The following DPP9 variants were observed in gnomAD, a reference collection of about 807,000 sequenced individuals.
The protein encoded by DPP9 is dipeptidyl peptidase 9, also known as dipeptidyl peptidase IV-related protein-2.
A neutral mutation model predicts 110.7 loss-of-function variants in DPP9; 50 were observed. The observed-to-expected ratio is 0.45, with a 90% confidence interval of 0.36 to 0.57. The LOEUF (loss-of-function observed/expected upper bound fraction) is 0.57. Ranked by LOEUF, DPP9 falls within the 20% of genes least tolerant of loss-of-function variation. DPP9 has a pLI of 0.00. For synonymous variants in DPP9, 561 were observed against 514.4 expected (o/e 1.09, Z -1.23); for missense variants, 1,022 against 1,217.9 (o/e 0.84, Z 2.39).
chr19:4,702,225 C>T (rs2092304790), intron 8 of DPP9, 70 bp from the exon 9 acceptor site: 8 of 1,529,476 alleles, frequency 5.2e-6, no homozygotes, highest in African/African-American at 1.4e-5. Flanking sequence ...CACCCCCCGC[C>T]CCCTGCAGCA....
Position 4,704,573 on chromosome 19 carries a change from C to T in DPP9, c.427-269G>A, listed in dbSNP as rs2145764102. ...CTGGGGCCAGAAGCCTCCTCACTTC[C>T]TGAGTTCCCTCCCCACAGACCCTCT... On this transcript the variant is annotated intron_variant, in intron 5 of 21. Coordinates refer to ENST00000262960, the MANE Select transcript of DPP9 (RefSeq NM_139159.5). The surrounding 1 kb of genome is among the most constrained non-coding windows in gnomAD (Gnocchi z 6.0). Among the ~76,000 whole-genome samples the T allele has an allele frequency of 6.6e-6, 1 of 152,278 alleles. No homozygotes were observed. Among genetic ancestry groups the T allele is most frequent in the East Asian group, 1.9e-4 (1 of 5,174 alleles).
intron 4 of DPP9, among the ~76,000 whole-genome samples, 187 bp downstream of exon 4, chr19:4,713,894 C>G (rs556705044): frequency 2.6e-5 from 4 of 152,304 alleles, no homozygotes; most frequent in African/African-American, 9.6e-5. Flanking sequence ...GCCGCCCCAC[C>G]CACCCCGCGG....
intron 3 of DPP9, among the ~76,000 whole-genome samples, chr19:4,715,234 G>T (rs67498438): frequency 0.41 from 61,923 of 151,430 alleles, 13,140 homozygotes; most frequent in Middle Eastern, 0.62. Flanking sequence ...TGTTGGTCAG[G>T]CTGCTCTCGA....
At chr19:4,688,397 C>G (rs772941306) in intron 16 of DPP9, 1 of 234,592 alleles carries the variant, frequency 4.3e-6, no homozygotes, top group East Asian at 8.1e-5. Context: ...GCAGAAGCCA[C>G]TGTGCCCGCT....
chr19:4,677,921 C>T (rs79954673), intron 21 of DPP9, among the ~76,000 whole-genome samples: 4,766 of 152,178 alleles, frequency 0.031, 248 homozygotes, highest in African/African-American at 0.11. Context: ...GGCCTGGGGC[C>T]GCCAGCTGCC....
At position 4,676,818 on chromosome 19, in the gene DPP9, C is replaced by T. The variant is rs901713030; in HGVS notation, c.2587-162G>A. On this transcript the variant is annotated intron_variant, in intron 21 of 21. Coordinates refer to ENST00000262960, the MANE Select transcript of DPP9 (RefSeq NM_139159.5). The surrounding 1 kb of genome is among the most constrained non-coding windows in gnomAD (Gnocchi z 4.0). ...CCTCGGCTGTTGACTTGCAGTGTAA[C>T]TCTGGGCCTCTCTAAAAAATGGGGT... Among the ~76,000 whole-genome samples, 1 of 152,192 alleles carries T rather than the reference C, an allele frequency of 6.6e-6. No homozygotes were observed. Among genetic ancestry groups the T allele is most frequent in the Admixed American group, 6.5e-5 (1 of 15,282 alleles).
chr19:4,712,867 C>A (rs776834187), intron 4 of DPP9, among the ~76,000 whole-genome samples: 2 of 152,212 alleles, frequency 1.3e-5, no homozygotes, highest in African/African-American at 2.4e-5. Context: ...CTGTTGTTAG[C>A]ATGTGGTCAG....
chr19:4,685,686 G>A lies in DPP9; in HGVS notation c.1971C>T (p.Pro657=), dbSNP rs765944882. Residue 657 remains proline, a synonymous_variant, in exon 17 of 22, where the codon CCC becomes CCT. Coordinates refer to ENST00000262960, the MANE Select transcript of DPP9 (RefSeq NM_139159.5). This position sits in a 1 kb window ranked among gnomAD's most constrained non-coding sequence, Gnocchi z 5.8. ...DVRLYGMIYK[P]HALQPGKKHP... ...GCTTCTTCCCTGGCTGCAAGGCGTG[G>A]GGCTTGTAGATCATGCCGTAGAGCC... is the stretch of plus-strand genomic sequence containing the variant. 1.4e-5 allele frequency: 23 copies of A among 1,613,266 alleles called. No individual in the cohort carries two copies. Among genetic ancestry groups the A allele is most frequent in the East Asian group, 2.2e-5 (1 of 44,880 alleles).
chr19:4,684,654 A>T lies in DPP9; in HGVS notation c.2178+9T>A. ...CAAAGGACCCAGAGCAACAGGGAGGAGTTGTTACCATTTGGTTTTTCAGGG... is the reference window on the plus strand; with the variant it reads ...CAAAGGACCCAGAGCAACAGGGAGGTGTTGTTACCATTTGGTTTTTCAGGG... On this transcript the variant is annotated intron_variant, in intron 18 of 21. Coordinates refer to ENST00000262960, the MANE Select transcript of DPP9 (RefSeq NM_139159.5). This position sits in a 1 kb window ranked among gnomAD's most constrained non-coding sequence, Gnocchi z 4.8. The T allele has an allele frequency of 6.2e-7, 1 of 1,612,652 alleles. No individual in the cohort carries two copies. Among genetic ancestry groups the T allele is most frequent in the Non-Finnish European group, 8.5e-7 (1 of 1,179,538 alleles).
At chr19:4,705,220 T>C (rs184350780) in intron 5 of DPP9, among the ~76,000 whole-genome samples, 1 of 152,210 alleles carries the variant, frequency 6.6e-6, no homozygotes, top group Non-Finnish European at 1.5e-5. Flanking sequence ...ATGTTATTTT[T>C]ATTGCTATAT....
chr19:4,719,178 A>G (rs1410529402), intron 3 of DPP9: 2 of 151,968 alleles, frequency 1.3e-5, no homozygotes, highest in African/African-American at 4.8e-5. Context: ...AAATACAAAA[A>G]TTAGCCAGGT....
chr19:4,676,389 A>G lies in DPP9; in HGVS notation c.*175T>C. The G allele has an allele frequency of 1.6e-6, 1 of 606,832 alleles. No homozygotes were observed. Among genetic ancestry groups the G allele is most frequent in the South Asian group, 1.9e-5 (1 of 51,836 alleles). 37.6% of individuals were successfully genotyped at this position (606,832 alleles called of 1,614,324 possible). On this transcript the variant is annotated 3_prime_UTR_variant, in exon 22 of 22. Transcript: ENST00000262960. The surrounding 1 kb of genome is among the most constrained non-coding windows in gnomAD (Gnocchi z 4.0). ...GCGGACATAAAACCCAAGAGCGTTT[A>G]AAAAAGGATAAAAGGCGTCGGGGCG...
Position 4,702,035 on chromosome 19 carries a change from G to C in DPP9, c.1004C>G (p.Pro335Arg). 6.2e-7 allele frequency: 1 copy of C among 1,613,648 alleles called. No homozygotes were observed. Among genetic ancestry groups the C allele is most frequent in the Non-Finnish European group, 8.5e-7 (1 of 1,179,672 alleles). The change falls in exon 9 of 22, where the codon CCC becomes CGC. Residue 335 changes from proline (P) to arginine (R), a missense_variant. Around this residue, in one of 3 missense-constraint regions of DPP9, gnomAD observed 810 missense variants for 920.6 expected, o/e 0.88. Coordinates refer to ENST00000262960, the MANE Select transcript of DPP9 (RefSeq NM_139159.5). ...EERKTDSYRY[P>R]RTGSKNPKIA... ...ATGTACCGGGCACTCACCTGTCCTG[G>C]GGTACCGATACGAGTCCGTCTTCCT...
intron 2 of DPP9, 89 bp from the exon 3 acceptor site, chr19:4,720,030 G>T (rs11672100): frequency 0.66 from 759,916 of 1,144,556 alleles, 255,643 homozygotes; most frequent in Middle Eastern, 0.76. Context: ...CCTCCTCATT[G>T]CTCCAGGCAG....
In DPP9 at chr19:4,697,654, G is replaced by A. The variant is rs2091913819; in HGVS notation, c.1075-3C>T. ...TCCTTCTCCTGGGTCGAGACGATCT[G>A]AAGGGAAACAAACAGGTGTGGGTCA... On this transcript the variant is annotated splice_region_variant and splice_polypyrimidine_tract_variant and intron_variant, in intron 10 of 21. Transcript: ENST00000262960. The A allele has an allele frequency of 1.2e-6, 2 of 1,613,562 alleles. No homozygotes were observed. The highest frequency in any genetic ancestry group is 2.7e-5 in the African/African-American group (2 of 75,066).
intron 3 of DPP9, chr19:4,717,634 C>T (rs910391411): frequency 9.2e-5 from 14 of 152,242 alleles, no homozygotes; most frequent in African/African-American, 2.9e-4. Context: ...CCACTGATAG[C>T]CCAAGAAGCA....
chr19:4,707,003 C>T (rs1351650827), intron 4 of DPP9, among the ~76,000 whole-genome samples: 2 of 152,210 alleles, frequency 1.3e-5, no homozygotes, highest in African/African-American at 2.4e-5. Context: ...CACATATCCC[C>T]AGGCATCTCC....
At position 4,689,788 on chromosome 19, in the gene DPP9, G is replaced by A. The variant is rs1326605793; in HGVS notation, c.1597-66C>T. ...CCCCTGGGCCCACACCCCTCTCCAC[G>A]CCCCACAGGAGTGGGCCCCATGTTC... On this transcript the variant is annotated intron_variant, in intron 14 of 21. Coordinates refer to ENST00000262960, the MANE Select transcript of DPP9 (RefSeq NM_139159.5). The surrounding 1 kb of genome is among the most constrained non-coding windows in gnomAD (Gnocchi z 7.0). 6 of 1,460,652 alleles carry A rather than the reference G, an allele frequency of 4.1e-6. No homozygotes were observed. The highest frequency in any genetic ancestry group is 2.3e-5 in the Admixed American group (1 of 43,404). 90.5% of individuals were successfully genotyped at this position (1,460,652 alleles called of 1,614,324 possible). A position where few individuals can be genotyped will look rare whatever the true frequency, so the allele number is the denominator to read the frequency against.
chr19:4,709,617 G>A (rs935362949), intron 4 of DPP9, among the ~76,000 whole-genome samples: 1 of 152,126 alleles, frequency 6.6e-6, no homozygotes, highest in Admixed American at 6.6e-5. Flanking sequence ...ACAGGAAGTG[G>A]GTTCATGGTT....
Sources: gnomAD v4.1 joint callset for allele counts (sites outside exome capture counted in the v4.1 genomes callset) on GRCh38, gnomAD v4.1.1 for gene constraint, gnomAD v4.1.1 regional missense constraint, Gnocchi (gnomAD v3.1) non-coding constraint, MANE v1.5 for transcripts, NCBI Gene and HGNC (gene_info 2026-07-23, HGNC 2026-07-21) for gene names.